Variants in MELK observed in about 807,000 individuals in gnomAD.
The protein encoded by MELK is pEg3 kinase.
A neutral mutation model predicts 85.0 loss-of-function variants in MELK; 81 were observed. That is an observed-to-expected ratio of 0.95 (90% CI 0.80 to 1.15). MELK has a LOEUF of 1.15. MELK is among the 50% of genes most tolerant of loss of function. MELK has a pLI of 0.00. For missense variants in MELK, 754 were observed against 777.5 expected, an observed-to-expected ratio of 0.97 and a Z score of 0.36; for synonymous variants, 252 against 265.0, an observed-to-expected ratio of 0.95 and a Z score of 0.48.
chr9:36,628,367 A>C (rs774961056), intron 8 of MELK, among the ~76,000 whole-genome samples: 1 of 152,154 alleles, frequency 6.6e-6, no homozygotes, highest in African/African-American at 2.4e-5. Context: ...AGTCAGTGAC[A>C]GTTGCCTGTG....
intron 6 of MELK, among the ~76,000 whole-genome samples, chr9:36,598,267 A>G (rs956316834): frequency 6.6e-6 from 1 of 150,654 alleles, no homozygotes. Flanking sequence ...GTTGTTCTCC[A>G]TGGGAGGCAG....
chr9:36,667,671 T>C (rs886548745), intron 14 of MELK, among the ~76,000 whole-genome samples: 1 of 152,256 alleles, frequency 6.6e-6, no homozygotes, highest in African/African-American at 2.4e-5. Context: ...CACGAGCCAC[T>C]TAAGGAAGCA....
Position 36,651,796 on chromosome 9 carries a change from G to T in MELK, c.972G>T (p.Lys324Asn). 1 of 1,614,044 alleles carries T rather than the reference G, an allele frequency of 6.2e-7. No individual in the cohort carries two copies. The highest frequency in any genetic ancestry group is 1.3e-5 in the African/African-American group (1 of 75,006). Residue 324 changes from lysine to asparagine, a missense_variant, in exon 12 of 18, where the codon AAG becomes AAT. By Grantham distance (94) the Lys-to-Asn change is moderately conservative (BLOSUM62 0). Transcript: ENST00000298048. ...CCTATCTTCTGCTTCTAGCCAAGAA[G>T]GCTCGGGGAAAACCAGTTCGTTTAA... ...TATYLLLLAK[K>N]ARGKPVRLRL...
intron 8 of MELK, 115 bp downstream of exon 8, chr9:36,607,788 G>C: frequency 1.3e-6 from 1 of 776,782 alleles, no homozygotes; most frequent in South Asian, 1.7e-5. Context: ...GCTGTTAGAA[G>C]TCAAAATCTT....
chr9:36,589,920 G>GTTTTT (rs566073692), intron 4 of MELK, among the ~76,000 whole-genome samples: 10 of 125,778 alleles, frequency 8.0e-5, no homozygotes, highest in African/African-American at 2.5e-4. Flanking sequence ...ACTCATTCTA[G>GTTTTT]TTTTTTTTTT....
chr9:36,605,846 TC>T, intron 7 of MELK, among the ~76,000 whole-genome samples: 1 of 150,152 alleles, frequency 6.7e-6, no homozygotes, highest in South Asian at 2.1e-4. Flanking sequence ...TTCCTCTTTT[TC>T]TTTTTTTGCT....
chr9:36,628,425 A>C (rs1021780182), intron 8 of MELK, among the ~76,000 whole-genome samples: 2 of 151,710 alleles, frequency 1.3e-5, no homozygotes, highest in Non-Finnish European at 2.9e-5. Flanking sequence ...TTTGTTAATG[A>C]ATTTTTTTTT....
chr9:36,677,225 T>G lies in MELK; in HGVS notation c.1844T>G (p.Val615Gly), dbSNP rs775907942. The G allele has an allele frequency of 1.2e-6, 2 of 1,613,980 alleles. No individual in the cohort carries two copies. The highest frequency in any genetic ancestry group is 2.7e-5 in the African/African-American group (2 of 74,936). Reference sequence around the variant, plus strand: ...GTGACAATGCAATTTGAATTAGAAGTGTGCCAGCTTCAAAAACCCGATGTG... The same window carrying G: ...GTGACAATGCAATTTGAATTAGAAGGGTGCCAGCTTCAAAAACCCGATGTG... ...GKVTMQFELE[V>G]CQLQKPDVVG... The change falls in exon 18 of 18, where the codon GTG becomes GGG. Residue 615 changes from valine to glycine, a missense_variant. Val to Gly is a moderately radical substitution (Grantham distance 109). Coordinates refer to ENST00000298048, the MANE Select transcript of MELK (RefSeq NM_014791.4).
intron 11 of MELK, among the ~76,000 whole-genome samples, chr9:36,646,534 A>G (rs1830230151): frequency 6.6e-6 from 1 of 152,168 alleles, no homozygotes; most frequent in Non-Finnish European, 1.5e-5. Flanking sequence ...ATTTTGAGTG[A>G]TCTCATTGTA....
Position 36,677,210 on chromosome 9 carries a change from A to G in MELK, c.1829A>G (p.Gln610Arg). 6.2e-7 allele frequency: 1 copy of G among 1,613,996 alleles called. No homozygotes were observed. The highest frequency in any genetic ancestry group is 2.2e-5 in the East Asian group (1 of 44,876). Residue 610 changes from glutamine (Q) to arginine (R), a missense_variant, in exon 18 of 18, where the codon CAA becomes CGA. By Grantham distance (43) the Gln-to-Arg change is conservative. Transcript: ENST00000298048. ...TCAGATTTTGGGAAAGTGACAATGC[A>G]ATTTGAATTAGAAGTGTGCCAGCTT... ...TQSDFGKVTM[Q>R]FELEVCQLQK...
intron 17 of MELK, among the ~76,000 whole-genome samples, chr9:36,676,332 T>A (rs919021978): frequency 6.6e-6 from 1 of 152,208 alleles, no homozygotes; most frequent in East Asian, 1.9e-4. Flanking sequence ...AACCCTTAAG[T>A]ATTTAGGGAA....
At chr9:36,657,739 C>T (rs1831395194) in intron 13 of MELK, among the ~76,000 whole-genome samples, 1 of 152,152 alleles carries the variant, frequency 6.6e-6, no homozygotes, top group Admixed American at 6.5e-5. Flanking sequence ...TGCCTGCTGC[C>T]TCTCCTGGCT....
intron 8 of MELK, among the ~76,000 whole-genome samples, chr9:36,617,258 T>C (rs1178076431): frequency 2.0e-5 from 3 of 152,206 alleles, no homozygotes; most frequent in African/African-American, 7.2e-5. Flanking sequence ...TTGATTGTTA[T>C]GTTTAAGACT....
chr9:36,675,334 AAAT>A (rs1833255203), intron 17 of MELK, among the ~76,000 whole-genome samples: 1 of 152,202 alleles, frequency 6.6e-6, no homozygotes, highest in South Asian at 2.1e-4. Context: ...GCTTTAGAAA[AAAT>A]GTATTTCTCC....
chr9:36,602,977 T>A (rs1825090229), intron 7 of MELK, among the ~76,000 whole-genome samples: 1 of 152,186 alleles, frequency 6.6e-6, no homozygotes, highest in Non-Finnish European at 1.5e-5. Context: ...CTGAGTGAGA[T>A]TTGAGTGGAG....
chr9:36,654,349 C>CTTTTTTTTTT (rs34436735), intron 12 of MELK, among the ~76,000 whole-genome samples: 2 of 84,124 alleles, frequency 2.4e-5, no homozygotes, highest in Non-Finnish European at 4.3e-5. Flanking sequence ...ATTGGATTGT[C>CTTTTTTTTTT]TTTTTTTTTT....
Position 36,597,266 on chromosome 9 carries a change from C to T in MELK, c.450C>T (p.Asp150=). The change falls in exon 6 of 18, where the codon GAC becomes GAT. Residue 150 remains aspartate, a synonymous_variant. Coordinates refer to ENST00000298048, the MANE Select transcript of MELK (RefSeq NM_014791.4). ...FDEYHKLKLI[D]FGLCAKPKGN... is the part of the protein sequence containing the mutation. ...AATATCATAAATTAAAGCTGATTGA[C>T]TTTGGTCTCTGTGCAAAACCCAAGG... 6.2e-7 allele frequency: 1 copy of T among 1,613,722 alleles called. No homozygotes were observed. The highest frequency in any genetic ancestry group is 1.1e-5 in the South Asian group (1 of 91,026).
At chr9:36,666,016 C>T (rs1212087680) in intron 14 of MELK, among the ~76,000 whole-genome samples, 1 of 152,152 alleles carries the variant, frequency 6.6e-6, no homozygotes, top group Non-Finnish European at 1.5e-5. Context: ...TTATCTGGAT[C>T]TCCAGTTGTG....
At chr9:36,652,942 G>A (rs1830858030) in intron 12 of MELK, among the ~76,000 whole-genome samples, 1 of 151,954 alleles carries the variant, frequency 6.6e-6, no homozygotes, top group Non-Finnish European at 1.5e-5. Flanking sequence ...TTGGGAGTAA[G>A]ATCTGTGATA....
Sources: allele counts gnomAD v4.1 joint callset (sites outside exome capture counted in the v4.1 genomes callset), GRCh38; gene constraint gnomAD v4.1.1; transcripts MANE v1.5; gene names NCBI Gene and HGNC (gene_info 2026-07-23, HGNC 2026-07-21).